Variants in SGIP1 observed in about 807,000 individuals in gnomAD.
The protein encoded by SGIP1 is SH3-containing GRB2-like protein 3-interacting protein 1.
SGIP1 carries 38 observed loss-of-function variants against 107.5 expected under a neutral mutation model. The observed-to-expected ratio is 0.35, with a 90% confidence interval of 0.27 to 0.46. The LOEUF (loss-of-function observed/expected upper bound fraction) is 0.46. Among genes scored for constraint, SGIP1 ranks in the 20% least tolerant of loss-of-function variants. The pLI, the probability that SGIP1 is intolerant of heterozygous loss-of-function variation, is 1.00. For synonymous variants in SGIP1, 365 were observed against 366.1 expected (o/e 1.00, Z 0.03); for missense variants, 929 against 1,019.5 (o/e 0.91, Z 1.21).
At chr1:66,535,808 A>G (rs1237112697) in intron 1 of SGIP1, among the ~76,000 whole-genome samples, 1 of 152,206 alleles carries the variant, frequency 6.6e-6, no homozygotes, top group African/African-American at 2.4e-5. Context: ...AGTGTTATTT[A>G]TGCACTTTTC....
In SGIP1 at chr1:66,689,175, C is replaced by G; in HGVS notation, c.1343C>G (p.Thr448Ser). The G allele has an allele frequency of 6.2e-7, 1 of 1,613,564 alleles. No individual in the cohort carries two copies. Among genetic ancestry groups the G allele is most frequent in the Non-Finnish European group, 8.5e-7 (1 of 1,179,748 alleles). The change falls in exon 16 of 25, where the codon ACT (threonine) becomes AGT (serine). Residue 448 changes from threonine (T) to serine (S), a missense_variant. By Grantham distance (58) the Thr-to-Ser change is moderately conservative (BLOSUM62 1). Around this residue, in one of 2 missense-constraint regions of SGIP1, gnomAD observed 588 missense variants for 588.6 expected, o/e 1.00. Coordinates refer to ENST00000371037, the MANE Select transcript of SGIP1 (RefSeq NM_032291.4). ...SGASSPARPA[T>S]PLVPCRSTTP... ...GCATCATCCCCTGCTCGACCAGCCACTCCTTTGGTTCCTTGCAGAAGTACC... is the reference window on the plus strand; with the variant it reads ...GCATCATCCCCTGCTCGACCAGCCAGTCCTTTGGTTCCTTGCAGAAGTACC...
rs375272678 is a variant in SGIP1 at position 66,681,353 on chromosome 1, A to G, written c.815-516A>G. Among the ~76,000 whole-genome samples, 4 of 152,338 alleles carry G rather than the reference A, an allele frequency of 2.6e-5. No individual in the cohort carries two copies. The East Asian group carries it at 5.8e-4, about 22-fold the overall frequency. Reference sequence around the variant, plus strand: ...CTTAAAATTAACAAATATTATAATCAGTTTCACCAAAGTCTTGATTTAATA... The same window carrying G: ...CTTAAAATTAACAAATATTATAATCGGTTTCACCAAAGTCTTGATTTAATA... On this transcript the variant is annotated intron_variant, in intron 14 of 24. Transcript: ENST00000371037.
intron 1 of SGIP1, among the ~76,000 whole-genome samples, chr1:66,541,795 T>C (rs1557825029): frequency 6.6e-6 from 1 of 152,208 alleles, no homozygotes; most frequent in Non-Finnish European, 1.5e-5. Flanking sequence ...TTGCACATGC[T>C]TAAAAGTTTT....
Position 66,631,032 on chromosome 1 carries a change from G to GAAGA in SGIP1, c.75-2035_75-2034insAAAG, listed in dbSNP as rs2074449252. On this transcript the variant is annotated intron_variant, in intron 2 of 24. Coordinates refer to ENST00000371037, the MANE Select transcript of SGIP1 (RefSeq NM_032291.4). ...AGGAAGGAAGGGAAAGGAAAGGAAGGAAGGAAGAAAGGAAGAAAGAAAGAA... is the reference window on the plus strand; with the variant it reads ...AGGAAGGAAGGGAAAGGAAAGGAAGGAAGAAAGGAAGAAAGGAAGAAAGAAAGAA... Among the ~76,000 whole-genome samples the GAAGA allele has an allele frequency of 3.6e-5, 4 of 110,720 alleles. No homozygotes were observed. The South Asian group carries it at 1.5e-3, about 42-fold the overall frequency. The allele number at this position is 110,720 out of a possible 152,430, so 72.6% of individuals were successfully genotyped here.
chr1:66,621,713 G>A (rs573529445), intron 1 of SGIP1, among the ~76,000 whole-genome samples: 19 of 152,286 alleles, frequency 1.2e-4, no homozygotes, highest in South Asian at 6.2e-4. Context: ...GGCTCTTTGC[G>A]TTTGGCTCCC....
In SGIP1 at chr1:66,643,632, G is replaced by A. The variant is rs369772004; in HGVS notation, c.372G>A (p.Leu124=). The A allele has an allele frequency of 1.9e-6, 3 of 1,610,992 alleles. No homozygotes were observed. The highest frequency in any genetic ancestry group is 2.7e-5 in the African/African-American group (2 of 74,726). The change falls in exon 7 of 25, where the codon TTG becomes TTA. Residue 124 remains leucine (L), a synonymous_variant. Coordinates refer to ENST00000371037, the MANE Select transcript of SGIP1 (RefSeq NM_032291.4). ...AATTTAATATCAAGATTAAACCATT[G>A]CAATCTAAAGACATTCTTAAGAATG... The part of the protein sequence containing the change: ...HKKFNIKIKP[L]QSKDILKNAA...
chr1:66,695,607 T>C (rs1352234128), intron 18 of SGIP1, 114 bp downstream of exon 18: 1 of 965,678 alleles, frequency 1.0e-6, no homozygotes, highest in African/African-American at 1.6e-5. Context: ...ACTTTCTATA[T>C]GAAAATGCTA....
chr1:66,728,358 G>A (rs1269614164), intron 19 of SGIP1, among the ~76,000 whole-genome samples: 1 of 152,204 alleles, frequency 6.6e-6, no homozygotes, highest in African/African-American at 2.4e-5. Flanking sequence ...TTCTATTCAT[G>A]AGGTGAAGCT....
At chr1:66,624,863 TGG>T (rs57841798) in intron 1 of SGIP1, among the ~76,000 whole-genome samples, 35,754 of 152,148 alleles carry the variant, frequency 0.23, 4,938 homozygotes, top group African/African-American at 0.38. Context: ...ATGTGAGGGA[TGG>T]GAAACACAAA....
chr1:66,667,603 T>C, intron 9 of SGIP1, 62 bp downstream of exon 9: 3 of 1,506,344 alleles, frequency 2.0e-6, no homozygotes, highest in South Asian at 1.1e-5. Flanking sequence ...CAAGGCAAGG[T>C]GGCCAGGTTG....
At chr1:66,732,736 CTTTTT>C (rs150404620) in intron 20 of SGIP1, among the ~76,000 whole-genome samples, 2 of 150,016 alleles carry the variant, frequency 1.3e-5, no homozygotes, top group Non-Finnish European at 3.0e-5. Flanking sequence ...AATTTTCTCT[CTTTTT>C]TTTTTAACAA....
At chr1:66,664,554 C>T (rs1459062669) in intron 8 of SGIP1, among the ~76,000 whole-genome samples, 2 of 152,198 alleles carry the variant, frequency 1.3e-5, no homozygotes, top group Non-Finnish European at 2.9e-5. Flanking sequence ...TACCTGCCTA[C>T]TAGCTGTATA....
intron 11 of SGIP1, among the ~76,000 whole-genome samples, chr1:66,672,287 T>C (rs2084013858): frequency 6.6e-6 from 1 of 152,174 alleles, no homozygotes; most frequent in African/African-American, 2.4e-5. Flanking sequence ...GGTATTTTGG[T>C]GTCTGGAATG....
At chr1:66,637,713 GGAAGGAAA>G (rs1487674950) in intron 4 of SGIP1, among the ~76,000 whole-genome samples, 1 of 150,956 alleles carries the variant, frequency 6.6e-6, no homozygotes, top group East Asian at 2.0e-4. Context: ...TATGTTGTCA[GGAAGGAAA>G]GAAAAACAAG....
chr1:66,644,009 A>G (rs1300127009), intron 7 of SGIP1: 1 of 185,966 alleles, frequency 5.4e-6, no homozygotes, highest in East Asian at 1.2e-4. Flanking sequence ...AAGATTATCC[A>G]GAATTATCTC....
chr1:66,660,216 A>AAAGAAAGAAAGAAAGG (rs1557505848), intron 7 of SGIP1: 2 of 253,066 alleles, frequency 7.9e-6, no homozygotes, highest in African/African-American at 8.4e-5. Context: ...AGAAAGAAAG[A>AAAGAAAGAAAGAAAGG]GAAAGAAAGA....
At chr1:66,740,594 AC>A (rs1572475738) in intron 22 of SGIP1, 63 bp from the exon 23 acceptor site, 1 of 1,012,484 alleles carries the variant, frequency 9.9e-7, no homozygotes, top group East Asian at 2.4e-5. Flanking sequence ...TGGAAAAAAA[AC>A]ATGGCATCCA....
At chr1:66,712,191 T>A (rs550369581) in intron 18 of SGIP1, among the ~76,000 whole-genome samples, 15 of 152,270 alleles carry the variant, frequency 9.9e-5, no homozygotes, top group Admixed American at 9.2e-4. Flanking sequence ...TTTGAACACA[T>A]TACATAATAG....
At chr1:66,618,014 C>T (rs988817180) in intron 1 of SGIP1, among the ~76,000 whole-genome samples, 2 of 150,630 alleles carry the variant, frequency 1.3e-5, no homozygotes, top group East Asian at 2.0e-4. Context: ...GCTTCTCATG[C>T]GCCATGATAT....
Sources: gnomAD v4.1 joint callset for allele counts (sites outside exome capture counted in the v4.1 genomes callset) on GRCh38, gnomAD v4.1.1 for gene constraint, gnomAD v4.1.1 regional missense constraint, MANE v1.5 for transcripts, NCBI Gene and HGNC (gene_info 2026-07-23, HGNC 2026-07-21) for gene names.